The following CDH13 variants were observed in gnomAD, a reference collection of about 807,000 sequenced individuals.
The protein encoded by CDH13 is cadherin-13.
In CDH13, 24 loss-of-function variants were observed where a neutral mutation model predicts 63.8. The observed-to-expected ratio is 0.38, with a 90% CI of 0.27 to 0.53. The LOEUF (loss-of-function observed/expected upper bound fraction) is 0.53, where lower values mean the gene tolerates loss of function less well. CDH13 is among the 20% of genes least tolerant of loss of function. CDH13 has a pLI of 0.85. For synonymous variants in CDH13, 503 were observed against 355.3 expected, an observed-to-expected ratio of 1.42 and a Z score of -4.67; for missense variants, 1,049 against 903.1, an observed-to-expected ratio of 1.16 and a Z score of -2.07.
rs187296799 is a variant in CDH13, at chr16:83,399,001, C to T, written c.781+53995C>T. On this transcript the variant is annotated intron_variant, in intron 6 of 13. Coordinates refer to ENST00000567109, the MANE Select transcript of CDH13 (RefSeq NM_001257.5). ...TACAACAATGGCTGTTTCATATTCT[C>T]ATATAAATGATGAAGCTAACACTCA... 2.6e-5 allele frequency among the ~76,000 whole-genome samples: 4 copies of T among 152,308 alleles called. No individual in the cohort carries two copies. In the East Asian group the frequency reaches 5.8e-4, roughly 22 times the overall value.
chr16:83,588,328 G>A (rs1906378444), intron 7 of CDH13, among the ~76,000 whole-genome samples: 1 of 152,224 alleles, frequency 6.6e-6, no homozygotes, highest in Admixed American at 6.5e-5. Flanking sequence ...GACCATGAGA[G>A]CAACCTGAGG....
chr16:83,663,360 G>A (rs916925760), intron 8 of CDH13, among the ~76,000 whole-genome samples: 25 of 152,154 alleles, frequency 1.6e-4, no homozygotes, highest in African/African-American at 6.0e-4. Context: ...AGATTTTCAG[G>A]AAAGAAATAT....
At chr16:82,814,816 A>G (rs776816378) in intron 1 of CDH13, among the ~76,000 whole-genome samples, 3 of 152,160 alleles carry the variant, frequency 2.0e-5, no homozygotes, top group Non-Finnish European at 2.9e-5. Flanking sequence ...TGTGACTGGC[A>G]TCTGAAGTAG....
chr16:83,537,993 G>A (rs1446775640), intron 7 of CDH13, among the ~76,000 whole-genome samples: 1 of 152,124 alleles, frequency 6.6e-6, no homozygotes, highest in Non-Finnish European at 1.5e-5. Flanking sequence ...AATAAATGTT[G>A]ATGTTACCGT....
At chr16:82,981,456 C>G (rs1227129615) in intron 2 of CDH13, among the ~76,000 whole-genome samples, 2 of 152,080 alleles carry the variant, frequency 1.3e-5, no homozygotes, top group Non-Finnish European at 2.9e-5. Context: ...TCTCATCATT[C>G]TCCACCTGCC....
intron 8 of CDH13, among the ~76,000 whole-genome samples, chr16:83,632,139 C>A (rs923206499): frequency 4.6e-5 from 7 of 152,164 alleles, no homozygotes; most frequent in African/African-American, 1.7e-4. Context: ...AGAGAAGGAG[C>A]TTTTATGTTT....
At chr16:83,455,310 G>A (rs141425546) in intron 6 of CDH13, among the ~76,000 whole-genome samples, 374 of 152,266 alleles carry the variant, frequency 2.5e-3, no homozygotes, top group Admixed American at 4.3e-3. Flanking sequence ...CTGATGAATG[G>A]CAGATGGACA....
chr16:83,544,536 T>TAA (rs2075349579), intron 7 of CDH13, among the ~76,000 whole-genome samples: 1 of 152,214 alleles, frequency 6.6e-6, no homozygotes, highest in African/African-American at 2.4e-5. Context: ...ACATGAGATG[T>TAA]TTAACACTTC....
chr16:83,173,189 T>C (rs2037993991), intron 4 of CDH13, among the ~76,000 whole-genome samples: 1 of 152,166 alleles, frequency 6.6e-6, no homozygotes, highest in Admixed American at 6.6e-5. Context: ...CCAGAATCTC[T>C]AGTTATAACT....
chr16:82,978,096 G>A (rs1465138468), intron 2 of CDH13, among the ~76,000 whole-genome samples: 1 of 152,170 alleles, frequency 6.6e-6, no homozygotes, highest in Non-Finnish European at 1.5e-5. Flanking sequence ...TTGAACTGGA[G>A]AGAGATGATT....
intron 7 of CDH13, among the ~76,000 whole-genome samples, chr16:83,535,851 G>C (rs1013508443): frequency 6.7e-6 from 1 of 150,208 alleles, no homozygotes; most frequent in East Asian, 2.0e-4. Flanking sequence ...AAGGGAGGGA[G>C]GGAGGGAAGG....
chr16:83,395,464 C>T (rs2091870145), intron 6 of CDH13, among the ~76,000 whole-genome samples: 1 of 152,126 alleles, frequency 6.6e-6, no homozygotes, highest in Admixed American at 6.5e-5. Flanking sequence ...CAAGAAGTTA[C>T]CTCCTTTCAA....
At chr16:83,231,750 G>A (rs528591532) in intron 5 of CDH13, among the ~76,000 whole-genome samples, 5 of 152,190 alleles carry the variant, frequency 3.3e-5, no homozygotes, top group South Asian at 2.1e-4. Flanking sequence ...TGCCAACCCC[G>A]GACTAGATGA....
At chr16:83,085,009 C>T (rs145015943) in intron 3 of CDH13, among the ~76,000 whole-genome samples, 36 of 152,330 alleles carry the variant, frequency 2.4e-4, no homozygotes, top group Middle Eastern at 6.8e-3. Flanking sequence ...CAGGCTATTC[C>T]TCTACTTCAT....
At chr16:83,043,271 A>C (rs1051197057) in intron 3 of CDH13, among the ~76,000 whole-genome samples, 3 of 152,184 alleles carry the variant, frequency 2.0e-5, no homozygotes, top group Non-Finnish European at 2.9e-5. Context: ...ATTTTAATTG[A>C]AATTCTTGGG....
chr16:82,927,031 A>G (rs1336453770), intron 2 of CDH13, among the ~76,000 whole-genome samples: 4 of 151,876 alleles, frequency 2.6e-5, no homozygotes, highest in Middle Eastern at 3.4e-3. Context: ...GGGGTAACTC[A>G]ATAGCTGGAG....
At chr16:82,783,595 C>T (rs1033987308) in intron 1 of CDH13, among the ~76,000 whole-genome samples, 2 of 152,352 alleles carry the variant, frequency 1.3e-5, no homozygotes, top group Middle Eastern at 3.4e-3. Flanking sequence ...GATTCTTTTC[C>T]TCCCTGAGCT....
chr16:82,834,482 G>A (rs2038680331), intron 1 of CDH13, among the ~76,000 whole-genome samples: 1 of 152,122 alleles, frequency 6.6e-6, no homozygotes, highest in Non-Finnish European at 1.5e-5. Flanking sequence ...AAAAAGAAAA[G>A]AGAAAAAATA....
intron 5 of CDH13, among the ~76,000 whole-genome samples, chr16:83,287,336 C>G (rs1370324970): frequency 1.3e-5 from 2 of 152,220 alleles, no homozygotes; most frequent in Non-Finnish European, 2.9e-5. Flanking sequence ...CAGGCCAGTA[C>G]TAGCCTATGA....
Sources: allele counts gnomAD v4.1 joint callset (sites outside exome capture counted in the v4.1 genomes callset), GRCh38; gene constraint gnomAD v4.1.1; transcripts MANE v1.5; gene names NCBI Gene and HGNC (gene_info 2026-07-23, HGNC 2026-07-21).